Variants in MCUB observed in about 807,000 individuals in gnomAD.
MCUB encodes the protein calcium uniporter regulatory subunit MCUb, mitochondrial.
A neutral mutation model predicts 41.4 loss-of-function variants in MCUB; 46 were observed. That is an observed-to-expected ratio of 1.11 (90% confidence interval 0.88 to 1.42). The LOEUF is 1.42. MCUB is among the 40% of genes most tolerant of loss of function. MCUB has a pLI of 0.00. For synonymous variants in MCUB, 148 were observed against 148.2 expected, an observed-to-expected ratio of 1.00 and a Z score of 0.01; for missense variants, 403 against 404.9, an observed-to-expected ratio of 1.00 and a Z score of 0.04.
At chr4:109,682,893 C>T (rs774095777) in intron 5 of MCUB, 151 bp downstream of exon 5, 1 of 581,134 alleles carries the variant, frequency 1.7e-6, no homozygotes, top group Non-Finnish European at 3.0e-6. Flanking sequence ...CTTTTATCTT[C>T]CTCATTTTTC....
intron 1 of MCUB, among the ~76,000 whole-genome samples, chr4:109,612,950 T>C (rs561120853): frequency 7.8e-4 from 118 of 151,724 alleles, no homozygotes; most frequent in African/African-American, 2.2e-3. Flanking sequence ...ACTAAAAATA[T>C]AAAAAATTAG....
At position 109,682,654 on chromosome 4, in the gene MCUB, T is replaced by G; in HGVS notation, c.524T>G (p.Leu175Trp). ...TTGGTTCACAGACTATTTACAATCT[T>G]GCATTTAGAAGAGTCTCAGAAAAAG... The part of the protein sequence containing the change: ...KSLVHRLFTI[L>W]HLEESQKKRE... Residue 175 changes from leucine to tryptophan, a missense_variant, in exon 5 of 8, where the codon TTG (leucine) becomes TGG (tryptophan). Transcript: ENST00000394650. 1 of 1,612,912 alleles carries G rather than the reference T, an allele frequency of 6.2e-7. No individual in the cohort carries two copies. The highest frequency in any genetic ancestry group is 8.5e-7 in the Non-Finnish European group (1 of 1,178,876).
intron 4 of MCUB, among the ~76,000 whole-genome samples, chr4:109,679,010 T>C (rs566964559): frequency 1.7e-3 from 202 of 120,934 alleles, no homozygotes; most frequent in Non-Finnish European, 2.2e-3. Flanking sequence ...ACTTCCTAGA[T>C]GGGGTGGCAG....
At chr4:109,600,843 G>A (rs1424288470) in intron 1 of MCUB, among the ~76,000 whole-genome samples, 1 of 152,160 alleles carries the variant, frequency 6.6e-6, no homozygotes, top group East Asian at 1.9e-4. Context: ...TCACCAGGCA[G>A]GAGTACAGTG....
chr4:109,617,824 T>G (rs1728164704), intron 1 of MCUB, among the ~76,000 whole-genome samples: 1 of 152,196 alleles, frequency 6.6e-6, no homozygotes, highest in South Asian at 2.1e-4. Context: ...ATGCAAAAAT[T>G]TTATTTTCTC....
At chr4:109,660,513 C>T (rs1264380447) in intron 3 of MCUB, 148 bp downstream of exon 3, 11 of 499,812 alleles carry the variant, frequency 2.2e-5, no homozygotes, top group African/African-American at 2.0e-5. Context: ...TATGCATCAA[C>T]ACTATTTTAA....
intron 1 of MCUB, among the ~76,000 whole-genome samples, chr4:109,583,257 T>A (rs757864765): frequency 1.1e-4 from 16 of 152,204 alleles, no homozygotes; most frequent in Non-Finnish European, 2.2e-4. Context: ...GGTTTGTAGT[T>A]GTCCTTGAAG....
chr4:109,597,457 G>T (rs1579057058), intron 1 of MCUB, among the ~76,000 whole-genome samples: 4 of 144,106 alleles, frequency 2.8e-5, no homozygotes, highest in Non-Finnish European at 3.1e-5. Context: ...GCCGGGCGGG[G>T]GGCTGACCCC....
rs370888145 is a variant in MCUB at position 109,684,511 on chromosome 4, G to T, written c.681G>T (p.Leu227=). The T allele has an allele frequency of 6.8e-6, 11 of 1,613,902 alleles. No individual in the cohort carries two copies. The highest frequency in any genetic ancestry group is 3.3e-5 in the South Asian group (3 of 91,082). Residue 227 remains leucine, a synonymous_variant, in exon 6 of 8, where the codon CTG becomes CTT. Coordinates refer to ENST00000394650, the MANE Select transcript of MCUB (RefSeq NM_017918.5). ...GACTCCTGTGGGCTGGATTGGCACTGCTGTCCATTCAGGGTGGGGCACTGG... is the reference window on the plus strand; with the variant it reads ...GACTCCTGTGGGCTGGATTGGCACTTCTGTCCATTCAGGGTGGGGCACTGG... ...TSGLLWAGLA[L]LSIQGGALAW...
chr4:109,582,500 A>G (rs1346397883), intron 1 of MCUB, among the ~76,000 whole-genome samples: 1 of 151,496 alleles, frequency 6.6e-6, no homozygotes, highest in Non-Finnish European at 1.5e-5. Context: ...CGTGGGGCAC[A>G]TGTACCCTAA....
At chr4:109,598,934 A>G (rs1167306912) in intron 1 of MCUB, among the ~76,000 whole-genome samples, 1 of 152,226 alleles carries the variant, frequency 6.6e-6, no homozygotes, top group African/African-American at 2.4e-5. Context: ...TCTATCAGCC[A>G]AATGTTGTCA....
intron 1 of MCUB, among the ~76,000 whole-genome samples, chr4:109,640,198 A>C (rs1338907802): frequency 6.6e-6 from 1 of 152,242 alleles, no homozygotes; most frequent in Non-Finnish European, 1.5e-5. Flanking sequence ...GCATTATCGC[A>C]AGGGCGGGAG....
chr4:109,680,222 C>T (rs1016734364), intron 4 of MCUB, among the ~76,000 whole-genome samples: 9 of 152,318 alleles, frequency 5.9e-5, no homozygotes, highest in African/African-American at 1.9e-4. Context: ...GGGTGCCTGG[C>T]TCTGACTTGC....
intron 4 of MCUB, among the ~76,000 whole-genome samples, chr4:109,666,058 G>C (rs1398096318): frequency 6.6e-6 from 1 of 152,128 alleles, no homozygotes; most frequent in Non-Finnish European, 1.5e-5. Flanking sequence ...AAAGAAGAAA[G>C]TGAAGAGGAA....
intron 1 of MCUB, among the ~76,000 whole-genome samples, chr4:109,647,137 T>C (rs894912220): frequency 2.6e-5 from 4 of 152,212 alleles, no homozygotes; most frequent in Admixed American, 6.5e-5. Context: ...GTTATCAATA[T>C]TTTGCACCAA....
At chr4:109,646,955 T>C (rs1042110588) in intron 1 of MCUB, among the ~76,000 whole-genome samples, 2 of 152,216 alleles carry the variant, frequency 1.3e-5, no homozygotes, top group Non-Finnish European at 2.9e-5. Context: ...TAGAAGTAAC[T>C]ATAGAACAAG....
intron 1 of MCUB, among the ~76,000 whole-genome samples, chr4:109,589,800 G>GT (rs1727388280): frequency 6.6e-6 from 1 of 152,234 alleles, no homozygotes; most frequent in Non-Finnish European, 1.5e-5. Flanking sequence ...CTGGCACAGA[G>GT]TGGGTGCTCC....
At chr4:109,661,503 C>G (rs1729230779) in intron 3 of MCUB, among the ~76,000 whole-genome samples, 1 of 152,098 alleles carries the variant, frequency 6.6e-6, no homozygotes. Flanking sequence ...ATGTCAGGCA[C>G]TGTTCTATAC....
At chr4:109,619,587 G>A (rs1463890796) in intron 1 of MCUB, among the ~76,000 whole-genome samples, 1 of 152,044 alleles carries the variant, frequency 6.6e-6, no homozygotes, top group Non-Finnish European at 1.5e-5. Context: ...CACACCTGTA[G>A]TCCCAGCAAC....
Sources: allele counts gnomAD v4.1 joint callset (sites outside exome capture counted in the v4.1 genomes callset), GRCh38; gene constraint gnomAD v4.1.1; transcripts MANE v1.5; gene names NCBI Gene and HGNC (gene_info 2026-07-23, HGNC 2026-07-21).